Variants in EXD3 observed in about 807,000 individuals in gnomAD.
EXD3 encodes the protein exonuclease mut-7 homolog.
In EXD3, 92 loss-of-function variants were observed where a neutral mutation model predicts 98.0. The ratio of observed to expected loss-of-function variants is 0.94; its 90% CI spans 0.79 to 1.12. EXD3 has a LOEUF of 1.12. Ranked by LOEUF, EXD3 falls within the 50% of genes most tolerant of loss-of-function variation. The pLI is 0.00. For missense variants in EXD3, 1,222 were observed against 1,191.6 expected (o/e 1.03, Z -0.38); for synonymous variants, 569 against 526.0 (o/e 1.08, Z -1.12).
chr9:137,367,856 C>G (rs906115398), intron 6 of EXD3, 80 bp downstream of exon 6: 5 of 1,412,760 alleles, frequency 3.5e-6, no homozygotes, highest in Non-Finnish European at 2.0e-6. Flanking sequence ...GGACTCCCGA[C>G]CTCCAACAAA....
At chr9:137,318,973 G>C (rs1390597615) in intron 19 of EXD3, among the ~76,000 whole-genome samples, 1 of 152,258 alleles carries the variant, frequency 6.6e-6, no homozygotes, top group East Asian at 1.9e-4. Flanking sequence ...CCTGCACGTT[G>C]AGCGGGCTTT....
chr9:137,386,511 G>A lies in EXD3; in HGVS notation c.56-3134C>T, dbSNP rs569983673. ...CCTGGGCCACTCCAGATTCCCAGGG[G>A]ACTCCCTGCCTTGACGCTGTGCCCT... On this transcript the variant is annotated intron_variant, in intron 2 of 21. Transcript: ENST00000340951. Among the ~76,000 whole-genome samples, 24 of 152,168 alleles carry A rather than the reference G, an allele frequency of 1.6e-4. 1 individual carries two copies. In the East Asian group the frequency reaches 2.7e-3, roughly 17 times the overall value.
At chr9:137,356,209 T>C in intron 8 of EXD3, 59 bp downstream of exon 8, 8 of 1,314,700 alleles carry the variant, frequency 6.1e-6, no homozygotes, top group African/African-American at 1.5e-5. Flanking sequence ...AGGATGTCCC[T>C]GGCCACGCTT....
At chr9:137,337,646 T>C (rs1588290599) in intron 17 of EXD3, among the ~76,000 whole-genome samples, 2 of 151,160 alleles carry the variant, frequency 1.3e-5, no homozygotes, top group East Asian at 3.9e-4. Flanking sequence ...GCGAGATTTC[T>C]TCTCAAAAAA....
At chr9:137,419,248 C>T (rs554857415) in intron 1 of EXD3, among the ~76,000 whole-genome samples, 3 of 152,282 alleles carry the variant, frequency 2.0e-5, no homozygotes, top group South Asian at 2.1e-4. Context: ...GTCGTGATTA[C>T]GATTATATGT....
chr9:137,395,267 C>T lies in EXD3; in HGVS notation c.55+36G>A. 1 of 1,598,142 alleles carries T rather than the reference C, an allele frequency of 6.3e-7. No individual in the cohort carries two copies. Among genetic ancestry groups the T allele is most frequent in the Non-Finnish European group, 8.6e-7 (1 of 1,165,966 alleles). On this transcript the variant is annotated intron_variant, in intron 2 of 21. Transcript: ENST00000340951. The surrounding 1 kb of genome is among the most constrained non-coding windows in gnomAD (Gnocchi z 6.5). ...ACACCCACGCACCTCCCCCCACAGCCCCAGGGAGACTCGGCACCATCAGGC... is the reference window on the plus strand; with the variant it reads ...ACACCCACGCACCTCCCCCCACAGCTCCAGGGAGACTCGGCACCATCAGGC...
chr9:137,400,662 G>A (rs1396328746), intron 1 of EXD3, among the ~76,000 whole-genome samples: 1 of 152,052 alleles, frequency 6.6e-6, no homozygotes, highest in Non-Finnish European at 1.5e-5. Flanking sequence ...CTACTTGGGA[G>A]GCTGAGGCAG....
At chr9:137,311,105 C>G (rs1206897486) in intron 19 of EXD3, among the ~76,000 whole-genome samples, 1 of 152,212 alleles carries the variant, frequency 6.6e-6, no homozygotes, top group African/African-American at 2.4e-5. Context: ...CCCACCAGTT[C>G]AGGGCCCTGG....
At chr9:137,386,647 A>G (rs1836605112) in intron 2 of EXD3, among the ~76,000 whole-genome samples, 1 of 152,062 alleles carries the variant, frequency 6.6e-6, no homozygotes, top group African/African-American at 2.4e-5. Context: ...TTGAGAGTCA[A>G]AGCCAGGGCC....
intron 19 of EXD3, among the ~76,000 whole-genome samples, chr9:137,321,579 A>T (rs1832034123): frequency 6.6e-6 from 1 of 152,118 alleles, no homozygotes; most frequent in African/African-American, 2.4e-5. Flanking sequence ...GCTACTCAGG[A>T]GCCTGAGGTG....
chr9:137,307,138 C>T lies in EXD3; in HGVS notation c.2443G>A (p.Gly815Arg). ...LADGTRLQLA[G>R]VPVGVLRTPG... ...GTCCTCAGCACACCCACCGGGACCC[C>T]TGCCAGCTGCAGCCGGGTGCCGTCG... The change falls in exon 22 of 22, where the codon GGG becomes AGG. Residue 815 changes from glycine to arginine, a missense_variant. By Grantham distance (125) the Gly-to-Arg change is moderately radical. Transcript: ENST00000340951. 1 of 1,598,950 alleles carries T rather than the reference C, an allele frequency of 6.3e-7. No homozygotes were observed. Among genetic ancestry groups the T allele is most frequent in the Non-Finnish European group, 8.5e-7 (1 of 1,173,808 alleles).
At chr9:137,372,841 C>T (rs1000211339) in intron 5 of EXD3, 64 bp downstream of exon 5, 40 of 1,537,090 alleles carry the variant, frequency 2.6e-5, no homozygotes, top group East Asian at 9.1e-5. Flanking sequence ...CTGAGCCAGG[C>T]GCGTCCTTGC....
chr9:137,421,891 G>C (rs1008775222), intron 1 of EXD3, among the ~76,000 whole-genome samples: 1 of 152,120 alleles, frequency 6.6e-6, no homozygotes, highest in Non-Finnish European at 1.5e-5. Flanking sequence ...GTTTCTTCAT[G>C]TTTTTAGTTG....
intron 3 of EXD3, 28 bp downstream of exon 3, chr9:137,383,285 G>A (rs1210624248): frequency 1.9e-6 from 3 of 1,539,950 alleles, no homozygotes; most frequent in Non-Finnish European, 2.6e-6. Context: ...CTGTGACTTG[G>A]CACGTGGTGG....
At chr9:137,390,226 C>T (rs866067975) in intron 2 of EXD3, among the ~76,000 whole-genome samples, 4 of 148,186 alleles carry the variant, frequency 2.7e-5, no homozygotes, top group South Asian at 2.1e-4. Flanking sequence ...GTCAGGAGAT[C>T]GAGACCATCC....
chr9:137,315,227 T>C (rs79260902), intron 19 of EXD3, among the ~76,000 whole-genome samples: 14,432 of 152,272 alleles, frequency 0.095, 970 homozygotes, highest in African/African-American at 0.19. Flanking sequence ...CAAGTTCCCG[T>C]GAGGGGCCTC....
intron 17 of EXD3, among the ~76,000 whole-genome samples, chr9:137,327,341 G>C (rs958017779): frequency 1.3e-5 from 2 of 152,080 alleles, no homozygotes; most frequent in Admixed American, 6.6e-5. Flanking sequence ...CACTATGTTA[G>C]CCAGGATGGT....
intron 1 of EXD3, among the ~76,000 whole-genome samples, chr9:137,416,880 C>T (rs1373100011): frequency 6.6e-6 from 1 of 152,228 alleles, no homozygotes; most frequent in East Asian, 1.9e-4. Context: ...GCAGGCCCTC[C>T]CTGAGCTGGG....
At chr9:137,408,286 C>T (rs1398828956) in intron 1 of EXD3, among the ~76,000 whole-genome samples, 2 of 152,044 alleles carry the variant, frequency 1.3e-5, no homozygotes, top group African/African-American at 2.4e-5. Flanking sequence ...TGGTCGCTCA[C>T]GCCTGTAATC....
Sources: allele counts gnomAD v4.1 joint callset (sites outside exome capture counted in the v4.1 genomes callset), GRCh38; gene constraint gnomAD v4.1.1; non-coding constraint Gnocchi (gnomAD v3.1); transcripts MANE v1.5; gene names NCBI Gene and HGNC (gene_info 2026-07-23, HGNC 2026-07-21).